RBM33: variants seen among roughly 807,000 people sequenced by gnomAD.
RBM33 encodes the protein RNA-binding protein 33.
A neutral mutation model predicts 132.6 loss-of-function variants in RBM33; 28 were observed. That is an observed-to-expected ratio of 0.21 (90% confidence interval 0.16 to 0.29). RBM33 has a LOEUF of 0.29. Among genes scored for constraint, RBM33 ranks in the 10% least tolerant of loss-of-function variants. The probability of loss-of-function intolerance (pLI) is 1.00; values close to 1 mark genes in which losing one functional copy is unlikely to be tolerated. For synonymous variants in RBM33, 634 were observed against 593.0 expected (o/e 1.07, Z -1.01); for missense variants, 1,291 against 1,518.5 (o/e 0.85, Z 2.49).
intron 1 of RBM33, among the ~76,000 whole-genome samples, chr7:155,651,052 A>G (rs1471404083): frequency 6.6e-6 from 1 of 152,004 alleles, no homozygotes; most frequent in Non-Finnish European, 1.5e-5. Flanking sequence ...TGATTTTTGT[A>G]TTTTTAGTAG....
chr7:155,712,819 A>C (rs568005337), intron 8 of RBM33, among the ~76,000 whole-genome samples: 5 of 152,242 alleles, frequency 3.3e-5, no homozygotes, highest in Non-Finnish European at 7.3e-5. Flanking sequence ...CCATCCAGCC[A>C]TTCTCAGGAC....
intron 2 of RBM33, among the ~76,000 whole-genome samples, chr7:155,671,627 T>G (rs966014775): frequency 2.0e-5 from 3 of 152,222 alleles, no homozygotes; most frequent in Admixed American, 2.0e-4. Context: ...AATAATGGTT[T>G]TGCTGATTTC....
At chr7:155,656,415 T>A (rs1323929586) in intron 1 of RBM33, among the ~76,000 whole-genome samples, 2 of 152,240 alleles carry the variant, frequency 1.3e-5, no homozygotes, top group Non-Finnish European at 2.9e-5. Flanking sequence ...GATTCTGCAT[T>A]GCAGCCAGTC....
chr7:155,772,239 G>T (rs1364360553), intron 16 of RBM33, among the ~76,000 whole-genome samples: 1 of 152,172 alleles, frequency 6.6e-6, no homozygotes, highest in Non-Finnish European at 1.5e-5. Flanking sequence ...AACCCCGGAG[G>T]CACGGCTGCA....
intron 1 of RBM33, among the ~76,000 whole-genome samples, chr7:155,658,961 G>A (rs1386291577): frequency 6.6e-6 from 1 of 152,144 alleles, no homozygotes; most frequent in Non-Finnish European, 1.5e-5. Context: ...ATTGGATGCA[G>A]GCATTTAAGG....
intron 16 of RBM33, among the ~76,000 whole-genome samples, chr7:155,768,649 C>G (rs1005895380): frequency 2.0e-5 from 3 of 152,252 alleles, no homozygotes; most frequent in Non-Finnish European, 4.4e-5. Context: ...CGGAGTCTCG[C>G]TCTGTCGCCC....
chr7:155,672,288 C>G (rs897891524), intron 2 of RBM33, among the ~76,000 whole-genome samples: 1 of 151,950 alleles, frequency 6.6e-6, no homozygotes, highest in African/African-American at 2.4e-5. Flanking sequence ...ATTCAACAGA[C>G]CCAAAGAGAT....
Position 155,751,506 on chromosome 7 carries a change from T to A in RBM33, c.2979+5904T>A, listed in dbSNP as rs1238627762. On this transcript the variant is annotated intron_variant, in intron 14 of 17. Coordinates refer to ENST00000401878, the MANE Select transcript of RBM33 (RefSeq NM_053043.3). ...AGGGTCCAGCCAGGATCATGCATTA[T>A]ATTCATAGTGTCCCCTAAATCTGCT... is the stretch of plus-strand genomic sequence containing the variant. Among the ~76,000 whole-genome samples the A allele has an allele frequency of 2.6e-5, 4 of 152,224 alleles. No homozygotes were observed. In the East Asian group the frequency reaches 5.8e-4, roughly 22 times the overall value.
At chr7:155,684,845 A>G in intron 5 of RBM33, 1 of 1,389,326 alleles carries the variant, frequency 7.2e-7, no homozygotes, top group South Asian at 1.4e-5. Context: ...TACAATTATT[A>G]AGCATGAATC....
chr7:155,686,715 T>C (rs1186068409), intron 5 of RBM33, among the ~76,000 whole-genome samples: 1 of 151,954 alleles, frequency 6.6e-6, no homozygotes, highest in African/African-American at 2.4e-5. Context: ...CACCTATGAG[T>C]GAGAACATGC....
chr7:155,715,207 G>A (rs142037612), intron 8 of RBM33, among the ~76,000 whole-genome samples: 150 of 152,242 alleles, frequency 9.9e-4, no homozygotes, highest in African/African-American at 3.6e-3. Context: ...AATGGGGAAG[G>A]GTGGCTTTCT....
intron 6 of RBM33, among the ~76,000 whole-genome samples, chr7:155,705,131 T>C (rs961208746): frequency 3.3e-5 from 5 of 152,222 alleles, no homozygotes; most frequent in Admixed American, 2.6e-4. Flanking sequence ...TGTATCTCTT[T>C]AGAATCTGGA....
intron 3 of RBM33, among the ~76,000 whole-genome samples, chr7:155,676,010 C>G (rs1046326421): frequency 5.3e-5 from 8 of 152,010 alleles, no homozygotes; most frequent in Admixed American, 5.2e-4. Context: ...TGTTTATTAG[C>G]GAGTTAATTA....
At chr7:155,773,568 C>CA (rs201127157) in intron 16 of RBM33, among the ~76,000 whole-genome samples, 8,295 of 50,292 alleles carry the variant, frequency 0.16, 1,733 homozygotes, top group Non-Finnish European at 0.21. Flanking sequence ...ACTCCATCTC[C>CA]AAAAAAAAAA....
chr7:155,774,898 C>A lies in RBM33; in HGVS notation c.3465-95C>A. 1.8e-6 allele frequency: 2 copies of A among 1,123,360 alleles called. No individual in the cohort carries two copies. The highest frequency in any genetic ancestry group is 2.7e-6 in the Non-Finnish European group (2 of 745,878). 69.6% of individuals were successfully genotyped at this position (1,123,360 alleles called of 1,614,324 possible). On this transcript the variant is annotated intron_variant, in intron 17 of 17. Coordinates refer to ENST00000401878, the MANE Select transcript of RBM33 (RefSeq NM_053043.3). This position sits in a 1 kb window ranked among gnomAD's most constrained non-coding sequence, Gnocchi z 4.2. ...TTTTATATGATGCGTTTTTATTAAACAGGACCCACCGGGCTCTTTTAGTTT... is the reference window on the plus strand; with the variant it reads ...TTTTATATGATGCGTTTTTATTAAAAAGGACCCACCGGGCTCTTTTAGTTT...
At chr7:155,772,435 C>T (rs1411756691) in intron 16 of RBM33, among the ~76,000 whole-genome samples, 1 of 152,174 alleles carries the variant, frequency 6.6e-6, no homozygotes, top group East Asian at 1.9e-4. Flanking sequence ...GGCTAATACA[C>T]AAAAGGGGTG....
At position 155,711,299 on chromosome 7, in the gene RBM33, C is replaced by A. The variant is rs754924921; in HGVS notation, c.1045C>A (p.His349Asn). ...GCTGCAGCCGCTGCTTCCGGTGCAGCACCCGCACCACCCATCCCCGCCTCA... is the reference window on the plus strand; with the variant it reads ...GCTGCAGCCGCTGCTTCCGGTGCAGAACCCGCACCACCCATCCCCGCCTCA... ...QPLQPLLPVQ[H>N]PHHPSPPQGM... The change falls in exon 8 of 18, where the codon CAC becomes AAC. Residue 349 changes from histidine to asparagine, a missense_variant. Transcript: ENST00000401878. 3 of 1,607,640 alleles carry A rather than the reference C, an allele frequency of 1.9e-6. No homozygotes were observed. The highest frequency in any genetic ancestry group is 2.5e-6 in the Non-Finnish European group (3 of 1,177,140).
At position 155,781,027 on chromosome 7, in the gene RBM33, A is replaced by AG. The variant is rs1180454394; in HGVS notation, c.*5987dup. The AG allele has an allele frequency of 2.0e-5, 3 of 152,760 alleles. No homozygotes were observed. Among genetic ancestry groups the AG allele is most frequent in the Non-Finnish European group, 4.4e-5 (3 of 68,122 alleles). 9.5% of individuals were successfully genotyped at this position (152,760 alleles called of 1,614,324 possible). ...TGTGCTTGAGTTCAGTGTTAGTGGT[A>AG]GCGTGGCTCACTCCACTTGGAGGTG... On this transcript the variant is annotated 3_prime_UTR_variant, in exon 18 of 18. Coordinates refer to ENST00000401878, the MANE Select transcript of RBM33 (RefSeq NM_053043.3).
At chr7:155,667,568 T>C (rs962488066) in intron 2 of RBM33, among the ~76,000 whole-genome samples, 2 of 152,250 alleles carry the variant, frequency 1.3e-5, no homozygotes, top group Non-Finnish European at 2.9e-5. Context: ...GGAAGAATTC[T>C]GTAGCCTGTC....
Sources: allele counts gnomAD v4.1 joint callset (sites outside exome capture counted in the v4.1 genomes callset), GRCh38; gene constraint gnomAD v4.1.1; non-coding constraint Gnocchi (gnomAD v3.1); transcripts MANE v1.5; gene names NCBI Gene and HGNC (gene_info 2026-07-23, HGNC 2026-07-21).